ARNT2: variants seen among roughly 807,000 people sequenced by gnomAD.
ARNT2 encodes the protein ARNT protein 2.
ARNT2 carries 36 observed loss-of-function variants against 91.7 expected under a neutral mutation model. The observed-to-expected ratio is 0.39, with a 90% CI of 0.30 to 0.52. The LOEUF is 0.52. Among genes scored for constraint, ARNT2 ranks in the 20% least tolerant of loss-of-function variants. The pLI, the probability that ARNT2 is intolerant of heterozygous loss-of-function variation, is 0.72. For synonymous variants in ARNT2, 365 were observed against 347.1 expected (o/e 1.05, Z -0.57); for missense variants, 775 against 939.3 (o/e 0.83, Z 2.29).
At chr15:80,438,482 A>G (rs1456219094) in intron 1 of ARNT2, among the ~76,000 whole-genome samples, 2 of 152,252 alleles carry the variant, frequency 1.3e-5, no homozygotes, top group Non-Finnish European at 2.9e-5. Context: ...TGCATGGTCT[A>G]AACAGAAACA....
intron 5 of ARNT2, among the ~76,000 whole-genome samples, chr15:80,496,544 A>G (rs1007809912): frequency 3.3e-5 from 5 of 152,246 alleles, no homozygotes; most frequent in African/African-American, 1.2e-4. Context: ...CCAGTGGGAT[A>G]CATGTAGCCT....
rs1166725939 is a variant in ARNT2 at position 80,596,806 on chromosome 15, C to T, written c.*3108C>T. 10 of 271,408 alleles carry T rather than the reference C, an allele frequency of 3.7e-5. No individual in the cohort carries two copies. Among genetic ancestry groups the T allele is most frequent in the South Asian group, 2.4e-4 (6 of 25,368 alleles). The allele number at this position is 271,408 out of a possible 1,614,324, so 16.8% of individuals were successfully genotyped here. ...TGAAGAGGTCTGTACAGTGACAACC[C>T]GGGCCGGCAGCAAGGACACAGATGC... On this transcript the variant is annotated 3_prime_UTR_variant, in exon 19 of 19. Transcript: ENST00000303329.
intron 12 of ARNT2, among the ~76,000 whole-genome samples, chr15:80,570,014 T>G (rs1220980368): frequency 6.6e-6 from 1 of 152,248 alleles, no homozygotes; most frequent in Non-Finnish European, 1.5e-5. Flanking sequence ...TTCTCTTTCC[T>G]GTGGCTCAAG....
In ARNT2 at chr15:80,580,512, T is replaced by C; in HGVS notation, c.1715T>C (p.Val572Ala). Residue 572 changes from valine (V) to alanine (A), a missense_variant, in exon 16 of 19, where the codon GTG becomes GCG. Physicochemically the swap from Val to Ala is moderately conservative, Grantham distance 64 (BLOSUM62 0). Around this residue, in one of 5 missense-constraint regions of ARNT2, gnomAD observed 325 missense variants for 359.9 expected, o/e 0.90. Coordinates refer to ENST00000303329, the MANE Select transcript of ARNT2 (RefSeq NM_014862.4). ...QISRQLNQSQ[V>A]AWTGSRPPFP... ...TCCCGGCAGCTAAACCAGAGTCAGG[T>C]GGCATGGACAGGGAGTCGTCCGCCC... The C allele has an allele frequency of 1.1e-5, 17 of 1,614,070 alleles. No individual in the cohort carries two copies. Among genetic ancestry groups the C allele is most frequent in the Non-Finnish European group, 1.4e-5 (17 of 1,180,010 alleles).
chr15:80,417,831 T>C (rs986859101), intron 1 of ARNT2, among the ~76,000 whole-genome samples: 2 of 152,178 alleles, frequency 1.3e-5, no homozygotes, highest in African/African-American at 4.8e-5. Flanking sequence ...GGCCATGCAC[T>C]AGGGCTGTTC....
At chr15:80,464,046 A>G (rs1204626994) in intron 3 of ARNT2, among the ~76,000 whole-genome samples, 3 of 152,306 alleles carry the variant, frequency 2.0e-5, no homozygotes, top group Middle Eastern at 3.4e-3. Flanking sequence ...AGAGGAGGAA[A>G]TCACTTCTGG....
intron 12 of ARNT2, among the ~76,000 whole-genome samples, chr15:80,569,018 A>G (rs1462663261): frequency 6.6e-6 from 1 of 152,212 alleles, no homozygotes; most frequent in African/African-American, 2.4e-5. Flanking sequence ...CAAACCCTGT[A>G]ACAAGTATTT....
chr15:80,461,701 G>C (rs984963947), intron 3 of ARNT2, among the ~76,000 whole-genome samples: 4 of 152,110 alleles, frequency 2.6e-5, no homozygotes, highest in African/African-American at 9.7e-5. Context: ...TGGGTGGGCA[G>C]TGGTGATGAT....
chr15:80,511,102 A>G (rs2141426184), intron 6 of ARNT2, among the ~76,000 whole-genome samples: 1 of 152,312 alleles, frequency 6.6e-6, no homozygotes, highest in East Asian at 1.9e-4. Context: ...CACTATTCAC[A>G]ATAGCAAAGA....
intron 1 of ARNT2, 111 bp from the exon 2 acceptor site, chr15:80,450,769 G>A (rs113051684): frequency 1.9e-6 from 2 of 1,038,742 alleles, no homozygotes; most frequent in Non-Finnish European, 3.0e-6. Flanking sequence ...CAGGATGCAG[G>A]TCCCTGGGCT....
At chr15:80,433,630 T>C (rs1896044798) in intron 1 of ARNT2, among the ~76,000 whole-genome samples, 1 of 152,090 alleles carries the variant, frequency 6.6e-6, no homozygotes, top group African/African-American at 2.4e-5. Context: ...ATAATTGTAT[T>C]TAGAGAATGA....
Position 80,407,957 on chromosome 15 carries a change from G to A in ARNT2, c.31+3411G>A, listed in dbSNP as rs79235744. Among the ~76,000 whole-genome samples, 1,394 of 152,218 alleles carry A rather than the reference G, an allele frequency of 9.2e-3. 13 individuals are homozygous for A. Among genetic ancestry groups the A allele is most frequent in the Admixed American group, 0.019 (291 of 15,286 alleles). On this transcript the variant is annotated intron_variant, in intron 1 of 18. Transcript: ENST00000303329. ...AATCATTAGGAATTAAGCATTATGT[G>A]GACATTCTCTGAGATGAGTATTTGC...
At chr15:80,540,745 G>A (rs997604921) in intron 8 of ARNT2, among the ~76,000 whole-genome samples, 1 of 152,090 alleles carries the variant, frequency 6.6e-6, no homozygotes, top group Non-Finnish European at 1.5e-5. Context: ...AGAACATGTG[G>A]TATTTGGCTC....
At chr15:80,413,019 T>A (rs1019741563) in intron 1 of ARNT2, among the ~76,000 whole-genome samples, 1 of 151,974 alleles carries the variant, frequency 6.6e-6, no homozygotes. Context: ...TCTACTGATG[T>A]CTATAAAGGG....
intron 3 of ARNT2, among the ~76,000 whole-genome samples, chr15:80,461,584 G>A (rs1323008877): frequency 6.6e-6 from 1 of 152,170 alleles, no homozygotes; most frequent in African/African-American, 2.4e-5. Flanking sequence ...AGGAGGCCGA[G>A]GTCAGTCCTG....
chr15:80,517,678 A>G (rs1251691445), intron 8 of ARNT2, among the ~76,000 whole-genome samples: 1 of 148,860 alleles, frequency 6.7e-6, no homozygotes, highest in African/African-American at 2.5e-5. Context: ...CAGTTTGGGA[A>G]GTTTCAAATT....
chr15:80,412,640 T>C (rs1009284064), intron 1 of ARNT2, among the ~76,000 whole-genome samples: 1 of 152,248 alleles, frequency 6.6e-6, no homozygotes, highest in Non-Finnish European at 1.5e-5. Flanking sequence ...TATGGCTGTG[T>C]CATAATTCAT....
chr15:80,526,088 G>A lies in ARNT2; in HGVS notation c.877+11683G>A, dbSNP rs1337481464. ...CTCGTTGTTCTTTCTCCTCCCTGCCGACTCCCTGTTAAATGTAAATCTCAC... is the reference window on the plus strand; with the variant it reads ...CTCGTTGTTCTTTCTCCTCCCTGCCAACTCCCTGTTAAATGTAAATCTCAC... On this transcript the variant is annotated intron_variant, in intron 8 of 18. Transcript: ENST00000303329. 2.0e-5 allele frequency among the ~76,000 whole-genome samples: 3 copies of A among 152,116 alleles called. No individual in the cohort carries two copies. In the East Asian group the frequency reaches 5.8e-4, roughly 29 times the overall value.
intron 5 of ARNT2, among the ~76,000 whole-genome samples, chr15:80,480,076 G>A (rs755946274): frequency 3.3e-5 from 5 of 152,164 alleles, no homozygotes; most frequent in African/African-American, 4.8e-5. Context: ...CACCAGGAAT[G>A]CTGGGATGTT....
Sources: allele counts gnomAD v4.1 joint callset (sites outside exome capture counted in the v4.1 genomes callset), GRCh38; gene constraint gnomAD v4.1.1; regional missense constraint gnomAD v4.1.1; transcripts MANE v1.5; gene names NCBI Gene and HGNC (gene_info 2026-07-23, HGNC 2026-07-21).